TOP6BL: variants seen among roughly 807,000 people sequenced by gnomAD.
TOP6BL encodes the protein TOP6B like initiator of meiotic double strand breaks, also known as type 2 DNA topoisomerase 6 subunit B-like.
the TOP6BL span, among the ~76,000 whole-genome samples, chr11:66,777,528 A>T: frequency 2.0e-5 from 3 of 152,194 alleles, no homozygotes; most frequent in African/African-American, 7.2e-5. Flanking sequence ...AAATTTTAGG[A>T]TTAATTTTAT....
the TOP6BL span, among the ~76,000 whole-genome samples, chr11:66,830,599 A>G: frequency 1.3e-5 from 2 of 152,194 alleles, no homozygotes. Context: ...AATGAAACTA[A>G]AAGGTGGCTC....
At chr11:66,818,901 C>G in the TOP6BL span, among the ~76,000 whole-genome samples, 1 of 152,178 alleles carries the variant, frequency 6.6e-6, no homozygotes, top group Non-Finnish European at 1.5e-5. Flanking sequence ...TTCTGTTTAG[C>G]TTGACCCTGA....
chr11:66,754,793 G>C, the TOP6BL span, among the ~76,000 whole-genome samples: 1 of 152,130 alleles, frequency 6.6e-6, no homozygotes, highest in Non-Finnish European at 1.5e-5. Context: ...GTACAATTTT[G>C]ATTCTCGTCC....
At chr11:66,782,574 G>A in the TOP6BL span, among the ~76,000 whole-genome samples, 1 of 152,096 alleles carries the variant, frequency 6.6e-6, no homozygotes, top group African/African-American at 2.4e-5. Flanking sequence ...CCATGTCCCT[G>A]TTCTGTAGAT....
the TOP6BL span, among the ~76,000 whole-genome samples, chr11:66,777,364 G>A: frequency 6.6e-6 from 1 of 151,970 alleles, no homozygotes; most frequent in Non-Finnish European, 1.5e-5. Context: ...TCTTTTGAAA[G>A]CACCTACCTC....
chr11:66,755,544 G>T, the TOP6BL span, among the ~76,000 whole-genome samples: 1 of 152,146 alleles, frequency 6.6e-6, no homozygotes, highest in Admixed American at 6.6e-5. Context: ...GAAAATAAAC[G>T]TGTGTGTTCA....
the TOP6BL span, among the ~76,000 whole-genome samples, chr11:66,804,932 TG>T: frequency 6.6e-6 from 1 of 152,116 alleles, no homozygotes; most frequent in Non-Finnish European, 1.5e-5. Flanking sequence ...CTGGGCATGG[TG>T]GCAGGCGCCT....
the TOP6BL span, among the ~76,000 whole-genome samples, chr11:66,756,180 T>TTA: frequency 3.3e-5 from 5 of 152,150 alleles, no homozygotes. Flanking sequence ...TTTATATGAG[T>TTA]TATAAGAAAG....
At chr11:66,827,966 G>GAAAAA in the TOP6BL span, among the ~76,000 whole-genome samples, 2 of 30,104 alleles carry the variant, frequency 6.6e-5, no homozygotes, top group Non-Finnish European at 1.3e-4. Context: ...CTCTGTCTCA[G>GAAAAA]AAAAAAAAAA....
At chr11:66,772,932 T>C in the TOP6BL span, among the ~76,000 whole-genome samples, 6 of 152,248 alleles carry the variant, frequency 3.9e-5, no homozygotes, top group African/African-American at 7.2e-5. Flanking sequence ...GTAGAAGATA[T>C]TATTTCTTCC....
the TOP6BL span, chr11:66,843,246 T>C: frequency 6.2e-7 from 1 of 1,607,384 alleles, no homozygotes; most frequent in Admixed American, 1.7e-5. Context: ...CCGGGTCCCC[T>C]TCCGCAAGCG....
chr11:66,750,389 A>G, the TOP6BL span, among the ~76,000 whole-genome samples: 1 of 152,038 alleles, frequency 6.6e-6, no homozygotes, highest in African/African-American at 2.4e-5. Context: ...TCTACTAAAA[A>G]TATAAAAATT....
At chr11:66,802,288 G>A in the TOP6BL span, among the ~76,000 whole-genome samples, 1 of 152,074 alleles carries the variant, frequency 6.6e-6, no homozygotes. Flanking sequence ...GAGTAGCTGG[G>A]ACTATAGGTG....
chr11:66,839,006 CAGG>C, the TOP6BL span: 10 of 398,156 alleles, frequency 2.5e-5, no homozygotes, highest in East Asian at 7.4e-4. Context: ...GCTGGGATTA[CAGG>C]CGTGAGCCAC....
the TOP6BL span, among the ~76,000 whole-genome samples, chr11:66,840,568 T>C: frequency 3.3e-5 from 5 of 152,096 alleles, no homozygotes; most frequent in Admixed American, 6.6e-5. Flanking sequence ...TCAACCTCTC[T>C]CCCTCACATC....
At chr11:66,835,011 G>A in the TOP6BL span, among the ~76,000 whole-genome samples, 3 of 149,888 alleles carry the variant, frequency 2.0e-5, no homozygotes, top group East Asian at 5.9e-4. Flanking sequence ...TCTAAGGAAA[G>A]GCATTGTTTC....
chr11:66,806,760 TA>T, the TOP6BL span, among the ~76,000 whole-genome samples: 1,642 of 150,050 alleles, frequency 0.011, 37 homozygotes, highest in African/African-American at 0.037. Context: ...TGTCTCAAAA[TA>T]AAAAAAAAGA....
At chr11:66,752,442 C>G in the TOP6BL span, among the ~76,000 whole-genome samples, 8 of 151,940 alleles carry the variant, frequency 5.3e-5, no homozygotes, top group African/African-American at 1.9e-4. Context: ...TTCTTCCCCT[C>G]TGTGTAAGCT....
chr11:66,748,220 GAC>G, the TOP6BL span, among the ~76,000 whole-genome samples: 1 of 151,938 alleles, frequency 6.6e-6, no homozygotes, highest in Non-Finnish European at 1.5e-5. Context: ...ATTTTGTTTA[GAC>G]ACAATACTCT....
Sources: gnomAD v4.1 joint callset for allele counts (sites outside exome capture counted in the v4.1 genomes callset) on GRCh38, gnomAD v4.1.1 for gene constraint, MANE v1.5 for transcripts, NCBI Gene and HGNC (gene_info 2026-07-23, HGNC 2026-07-21) for gene names.